The following SGMS1 variants were observed in gnomAD, a reference collection of about 807,000 sequenced individuals.
SGMS1 encodes the protein sphingomyelin synthase 1.
Under a neutral mutation model 46.2 loss-of-function variants are expected in SGMS1, and 13 were observed. The observed-to-expected ratio is 0.28, with a 90% CI of 0.18 to 0.45. The LOEUF is 0.45. Ranked by LOEUF, SGMS1 falls within the 20% of genes least tolerant of loss-of-function variation. The pLI, the probability that SGMS1 is intolerant of heterozygous loss-of-function variation, is 1.00. For missense variants in SGMS1, 324 were observed against 519.9 expected, an observed-to-expected ratio of 0.62 and a Z score of 3.66; for synonymous variants, 203 against 187.8, an observed-to-expected ratio of 1.08 and a Z score of -0.66.
chr10:50,593,096 T>C (rs1033447398), intron 1 of SGMS1, among the ~76,000 whole-genome samples: 6 of 152,208 alleles, frequency 3.9e-5, no homozygotes, highest in African/African-American at 7.2e-5. Flanking sequence ...TGTTCTGATA[T>C]GAGGACACGC....
chr10:50,491,156 G>A (rs967002316), intron 3 of SGMS1, among the ~76,000 whole-genome samples: 1 of 152,098 alleles, frequency 6.6e-6, no homozygotes, highest in Non-Finnish European at 1.5e-5. Flanking sequence ...AGAGCAGCTG[G>A]GGAATGCAGG....
intron 6 of SGMS1, among the ~76,000 whole-genome samples, chr10:50,354,151 G>T (rs1301848830): frequency 6.7e-6 from 1 of 148,430 alleles, no homozygotes; most frequent in Non-Finnish European, 1.5e-5. Flanking sequence ...TAAGCCAAAA[G>T]AACAAAGCTG....
intron 5 of SGMS1, among the ~76,000 whole-genome samples, chr10:50,437,565 C>T (rs1849491292): frequency 6.6e-6 from 1 of 152,206 alleles, no homozygotes; most frequent in African/African-American, 2.4e-5. Context: ...AACTAAGACA[C>T]AGGCCAGGAG....
At position 50,418,767 on chromosome 10, in the gene SGMS1, A is replaced by C. The variant is rs148599884; in HGVS notation, c.-232+14709T>G. Among the ~76,000 whole-genome samples the C allele has an allele frequency of 2.6e-3, 403 of 152,326 alleles. 2 individuals carry two copies. Among genetic ancestry groups the C allele is most frequent in the African/African-American group, 9.3e-3 (386 of 41,576 alleles). On this transcript the variant is annotated intron_variant, in intron 6 of 10. Coordinates refer to ENST00000361781, the MANE Select transcript of SGMS1 (RefSeq NM_147156.4). ...GCAAAGAGGTGGGACCTGGTATCAAAGCAGATTTGGATCAGACCTCTGACA... is the reference window on the plus strand; with the variant it reads ...GCAAAGAGGTGGGACCTGGTATCAACGCAGATTTGGATCAGACCTCTGACA...
At chr10:50,329,728 C>A (rs1252987952) in intron 7 of SGMS1, among the ~76,000 whole-genome samples, 1 of 152,216 alleles carries the variant, frequency 6.6e-6, no homozygotes, top group Non-Finnish European at 1.5e-5. Context: ...CAGATGCCAA[C>A]AAGAAGATGT....
At chr10:50,346,566 C>T (rs1190967639) in intron 6 of SGMS1, among the ~76,000 whole-genome samples, 1 of 152,110 alleles carries the variant, frequency 6.6e-6, no homozygotes, top group East Asian at 1.9e-4. Flanking sequence ...TAGCAGTATG[C>T]ATTAGGATGT....
chr10:50,339,129 CT>C (rs1032173859), intron 7 of SGMS1, among the ~76,000 whole-genome samples: 1 of 152,212 alleles, frequency 6.6e-6, no homozygotes, highest in African/African-American at 2.4e-5. Flanking sequence ...CAGTTTCATT[CT>C]TTTAAAACAC....
chr10:50,620,159 T>C (rs978454830), intron 1 of SGMS1, among the ~76,000 whole-genome samples: 1 of 152,252 alleles, frequency 6.6e-6, no homozygotes, highest in Admixed American at 6.5e-5. Context: ...TTCCCTTTCT[T>C]CACTCTCTCC....
intron 2 of SGMS1, among the ~76,000 whole-genome samples, chr10:50,584,790 T>C (rs1046900008): frequency 1.6e-4 from 25 of 152,328 alleles, no homozygotes; most frequent in African/African-American, 5.8e-4. Context: ...TTTGAATTAC[T>C]GCACATAGCT....
At chr10:50,348,449 A>G (rs1463781216) in intron 6 of SGMS1, among the ~76,000 whole-genome samples, 1 of 152,218 alleles carries the variant, frequency 6.6e-6, no homozygotes, top group Non-Finnish European at 1.5e-5. Context: ...CCTTAGGCTG[A>G]TAAGCAACTT....
chr10:50,566,516 A>G lies in SGMS1; in HGVS notation c.-589+23637T>C, dbSNP rs547921198. On this transcript the variant is annotated intron_variant, in intron 2 of 10. Transcript: ENST00000361781. Reference sequence around the variant, plus strand: ...GCTATGGGTTATTAAACCCCCTCACATTCAGTTCGGTTTAACAAATCTTTA... The same window carrying G: ...GCTATGGGTTATTAAACCCCCTCACGTTCAGTTCGGTTTAACAAATCTTTA... 9.2e-5 allele frequency among the ~76,000 whole-genome samples: 14 copies of G among 152,320 alleles called. No homozygotes were observed. The East Asian group carries it at 1.5e-3, about 17-fold the overall frequency.
chr10:50,385,267 G>A (rs7097865), intron 6 of SGMS1, among the ~76,000 whole-genome samples: 9,137 of 152,204 alleles, frequency 0.06, 632 homozygotes, highest in African/African-American at 0.17. Context: ...ACCTCAGAGA[G>A]TTGTTTTTTT....
chr10:50,495,431 G>A (rs1364916888), intron 3 of SGMS1, among the ~76,000 whole-genome samples: 4 of 151,990 alleles, frequency 2.6e-5, no homozygotes, highest in Non-Finnish European at 5.9e-5. Context: ...AATGCAAGCA[G>A]GATAGAAACC....
At chr10:50,551,633 T>C (rs983750431) in intron 2 of SGMS1, among the ~76,000 whole-genome samples, 1 of 152,158 alleles carries the variant, frequency 6.6e-6, no homozygotes, top group Non-Finnish European at 1.5e-5. Flanking sequence ...ATGAGAACTC[T>C]GTACTATCTT....
chr10:50,327,531 C>T (rs762351379), intron 7 of SGMS1, among the ~76,000 whole-genome samples: 6 of 152,108 alleles, frequency 3.9e-5, no homozygotes, highest in Non-Finnish European at 7.3e-5. Flanking sequence ...TATTAACTGG[C>T]CAAAAGTGCT....
chr10:50,549,755 T>C (rs1190485800), intron 2 of SGMS1, among the ~76,000 whole-genome samples: 1 of 152,238 alleles, frequency 6.6e-6, no homozygotes, highest in Non-Finnish European at 1.5e-5. Flanking sequence ...TCTGCTTTTC[T>C]CTTTATAAGA....
chr10:50,496,487 G>A (rs1270361170), intron 3 of SGMS1, among the ~76,000 whole-genome samples: 2 of 152,016 alleles, frequency 1.3e-5, no homozygotes, highest in Non-Finnish European at 2.9e-5. Context: ...ACACTACCCA[G>A]AAAAGCAACG....
At chr10:50,543,940 C>T (rs1470424138) in intron 2 of SGMS1, among the ~76,000 whole-genome samples, 1 of 152,130 alleles carries the variant, frequency 6.6e-6, no homozygotes, top group Non-Finnish European at 1.5e-5. Context: ...AGTGCTACAG[C>T]CCCAGAAGGC....
At chr10:50,600,233 C>T (rs373872428) in intron 1 of SGMS1, among the ~76,000 whole-genome samples, 16 of 152,304 alleles carry the variant, frequency 1.1e-4, no homozygotes, top group African/African-American at 3.9e-4. Flanking sequence ...TTTCATATAA[C>T]CTGGTTCTGC....
Sources: gnomAD v4.1 joint callset for allele counts (sites outside exome capture counted in the v4.1 genomes callset) on GRCh38, gnomAD v4.1.1 for gene constraint, MANE v1.5 for transcripts, NCBI Gene and HGNC (gene_info 2026-07-23, HGNC 2026-07-21) for gene names.